Variants in KLF7 observed in about 807,000 individuals in gnomAD.
The protein encoded by KLF7 is KLF transcription factor 7, also known as Krueppel-like factor 7.
KLF7 carries 2 observed loss-of-function variants against 27.3 expected under a neutral mutation model. The ratio of observed to expected loss-of-function variants is 0.07; its 90% CI spans 0.03 to 0.23. The LOEUF is 0.23. Among genes scored for constraint, KLF7 ranks in the 10% least tolerant of loss-of-function variants. The pLI is 1.00. For synonymous variants in KLF7, 165 were observed against 162.4 expected (o/e 1.02, Z -0.12); for missense variants, 221 against 394.1 (o/e 0.56, Z 3.72).
upstream of KLF7, among the ~76,000 whole-genome samples, chr2:207,171,622 T>C (rs1247555286): frequency 6.6e-6 from 1 of 152,220 alleles, no homozygotes; most frequent in Admixed American, 6.5e-5. Context: ...GCCATTGACA[T>C]TGAGGAAAGA....
chr2:207,113,225 T>C (rs1441183673), intron 2 of KLF7, among the ~76,000 whole-genome samples: 1 of 152,214 alleles, frequency 6.6e-6, no homozygotes, highest in Non-Finnish European at 1.5e-5. Flanking sequence ...TATCAAAATA[T>C]AGGTATGTAA....
chr2:207,160,360 T>C (rs1055362686), intron 1 of KLF7, among the ~76,000 whole-genome samples: 1 of 152,206 alleles, frequency 6.6e-6, no homozygotes, highest in Non-Finnish European at 1.5e-5. Flanking sequence ...TGTCCTAAAC[T>C]TTCAGCAAAT....
chr2:207,169,065 G>A (rs1306991362), upstream of KLF7, among the ~76,000 whole-genome samples: 1 of 152,160 alleles, frequency 6.6e-6, no homozygotes, highest in Non-Finnish European at 1.5e-5. Context: ...AGTTTAGAGA[G>A]TGCATGTAAT....
chr2:207,161,496 A>C (rs112484189), intron 1 of KLF7, among the ~76,000 whole-genome samples: 1,549 of 152,318 alleles, frequency 0.01, 11 homozygotes, highest in Middle Eastern at 0.044. Flanking sequence ...AAACCTACGG[A>C]TGGACAGACC....
intron 2 of KLF7, among the ~76,000 whole-genome samples, chr2:207,097,666 T>G (rs1310670289): frequency 1.3e-5 from 2 of 152,188 alleles, no homozygotes; most frequent in Non-Finnish European, 2.9e-5. Flanking sequence ...CTTGGTGAAT[T>G]TGTTTGAAAT....
At chr2:207,112,781 GACA>G (rs780946676) in intron 2 of KLF7, among the ~76,000 whole-genome samples, 2 of 152,342 alleles carry the variant, frequency 1.3e-5, no homozygotes, top group Admixed American at 1.3e-4. Flanking sequence ...AACAAGAGAG[GACA>G]ACAATATATA....
At chr2:207,110,688 G>A (rs1222968627) in intron 2 of KLF7, among the ~76,000 whole-genome samples, 1 of 152,216 alleles carries the variant, frequency 6.6e-6, no homozygotes, top group Non-Finnish European at 1.5e-5. Flanking sequence ...TTTAGTGGAG[G>A]TAGGGAGATT....
At chr2:207,085,376 T>C (rs990763557) in intron 3 of KLF7, among the ~76,000 whole-genome samples, 1 of 152,038 alleles carries the variant, frequency 6.6e-6, no homozygotes, top group African/African-American at 2.4e-5. Flanking sequence ...GGATTATAAC[T>C]GCACTGAGTC....
upstream of KLF7, among the ~76,000 whole-genome samples, chr2:207,169,331 T>C (rs2078770307): frequency 6.6e-6 from 1 of 152,182 alleles, no homozygotes. Context: ...ATTTAATATG[T>C]GAATACACAC....
chr2:207,094,287 T>C (rs766742696), intron 2 of KLF7, among the ~76,000 whole-genome samples: 25 of 152,236 alleles, frequency 1.6e-4, no homozygotes, highest in Non-Finnish European at 3.1e-4. Flanking sequence ...TTAATGCAAG[T>C]TCTAAAGAGA....
intron 2 of KLF7, among the ~76,000 whole-genome samples, chr2:207,098,530 G>T (rs2076683289): frequency 6.6e-6 from 1 of 151,946 alleles, no homozygotes; most frequent in Non-Finnish European, 1.5e-5. Context: ...CTCACCTTTG[G>T]TCAACCTTTG....
intron 1 of KLF7, among the ~76,000 whole-genome samples, chr2:207,141,193 G>C (rs919323045): frequency 1.3e-5 from 2 of 152,170 alleles, no homozygotes; most frequent in Non-Finnish European, 2.9e-5. Context: ...ACCAGGGTAT[G>C]AGGAAAATGG....
chr2:207,093,210 C>A (rs1431252612), intron 2 of KLF7, among the ~76,000 whole-genome samples: 1 of 152,180 alleles, frequency 6.6e-6, no homozygotes, highest in Non-Finnish European at 1.5e-5. Flanking sequence ...TGCCAGACTG[C>A]CAAAGACATT....
chr2:207,094,737 G>C (rs1442953793), intron 2 of KLF7, among the ~76,000 whole-genome samples: 5 of 152,140 alleles, frequency 3.3e-5, no homozygotes, highest in Non-Finnish European at 7.3e-5. Context: ...CTAAGTCACT[G>C]TATCTGCTTT....
At chr2:207,157,968 G>C (rs1327447157) in intron 1 of KLF7, among the ~76,000 whole-genome samples, 1 of 152,326 alleles carries the variant, frequency 6.6e-6, no homozygotes. Flanking sequence ...TTCAGCTGAA[G>C]TGATGGTAGA....
intron 1 of KLF7, among the ~76,000 whole-genome samples, chr2:207,147,803 T>C (rs2078138126): frequency 6.6e-6 from 1 of 152,194 alleles, no homozygotes; most frequent in African/African-American, 2.4e-5. Context: ...ATATGCCGGA[T>C]ACTAACACCA....
At chr2:207,136,785 G>A (rs145406724) in intron 1 of KLF7, among the ~76,000 whole-genome samples, 3 of 152,222 alleles carry the variant, frequency 2.0e-5, no homozygotes, top group Non-Finnish European at 2.9e-5. Context: ...AATCAATCCC[G>A]GAATTCCAGG....
chr2:207,089,266 G>A (rs2076457613), intron 2 of KLF7, among the ~76,000 whole-genome samples: 1 of 152,198 alleles, frequency 6.6e-6, no homozygotes, highest in Admixed American at 6.5e-5. Context: ...ACTGCAGAGT[G>A]TTCTTATTAG....
rs141276571 is a variant in KLF7 at position 207,085,772 on chromosome 2, G to T, written c.857+2686C>A. Among the ~76,000 whole-genome samples the T allele has an allele frequency of 2.0e-3, 312 of 152,262 alleles. 2 individuals carry two copies. Among genetic ancestry groups the T allele is most frequent in the African/African-American group, 7.1e-3 (294 of 41,546 alleles). ...GCGGGACAATACTTGGCAACCAATG[G>T]CTTGCCTTTGAGTTGTGGAGCCACA... On this transcript the variant is annotated intron_variant, in intron 3 of 3. Transcript: ENST00000309446.
Sources: gnomAD v4.1 joint callset for allele counts (sites outside exome capture counted in the v4.1 genomes callset) on GRCh38, gnomAD v4.1.1 for gene constraint, MANE v1.5 for transcripts, NCBI Gene and HGNC (gene_info 2026-07-23, HGNC 2026-07-21) for gene names.